Variants in SLC25A26 observed in about 807,000 individuals in gnomAD.
The protein encoded by SLC25A26 is mitochondrial S-adenosylmethionine carrier protein.
SLC25A26 carries 36 observed loss-of-function variants against 37.8 expected under a neutral mutation model. The observed-to-expected ratio is 0.95, with a 90% CI of 0.73 to 1.26. The LOEUF is 1.26. SLC25A26 is among the 50% of genes most tolerant of loss of function. SLC25A26 has a pLI of 0.00. For synonymous variants in SLC25A26, 129 were observed against 122.5 expected (o/e 1.05, Z -0.35); for missense variants, 390 against 331.1 (o/e 1.18, Z -1.38).
At chr3:66,271,691 G>A (rs921538069) in intron 5 of SLC25A26, among the ~76,000 whole-genome samples, 8 of 152,016 alleles carry the variant, frequency 5.3e-5, no homozygotes, top group African/African-American at 1.7e-4. Flanking sequence ...AGGATCTGCC[G>A]TATTCTGTCC....
chr3:66,159,043 G>T (rs1339480532), intron 1 of SLC25A26, among the ~76,000 whole-genome samples: 2 of 152,142 alleles, frequency 1.3e-5, no homozygotes, highest in Non-Finnish European at 2.9e-5. Flanking sequence ...AGGATGTAGA[G>T]TCTGGGAGCC....
chr3:66,268,861 T>G (rs1481983632), intron 5 of SLC25A26, among the ~76,000 whole-genome samples: 1 of 152,212 alleles, frequency 6.6e-6, no homozygotes, highest in Non-Finnish European at 1.5e-5. Context: ...CTTTGTGCTC[T>G]CTCTCTCCTT....
intron 6 of SLC25A26, among the ~76,000 whole-genome samples, chr3:66,352,536 A>G (rs1247789698): frequency 6.8e-6 from 1 of 146,668 alleles, no homozygotes. Context: ...ATCATTTTTT[A>G]TGTGTGATAA....
intron 5 of SLC25A26, among the ~76,000 whole-genome samples, chr3:66,303,476 G>A (rs1211668654): frequency 6.6e-6 from 1 of 152,216 alleles, no homozygotes; most frequent in Non-Finnish European, 1.5e-5. Context: ...TCAGCAAGAT[G>A]CCTTCCAGGT....
chr3:66,289,804 C>CT lies in SLC25A26; in HGVS notation c.453+26431dup, dbSNP rs201360875. On this transcript the variant is annotated intron_variant, in intron 5 of 9. Coordinates refer to ENST00000354883, the MANE Select transcript of SLC25A26 (RefSeq NM_001379210.1). ...TAGGATTGACTAGGCTATGCAGGCT[C>CT]TTTTTTGATTACGTATGAAATTTAA... 5.0e-3 allele frequency among the ~76,000 whole-genome samples: 763 copies of CT among 152,236 alleles called. 11 individuals carry two copies. Among genetic ancestry groups the CT allele is most frequent in the African/African-American group, 0.014 (563 of 41,562 alleles).
intron 5 of SLC25A26, among the ~76,000 whole-genome samples, chr3:66,273,195 C>T (rs2074014876): frequency 6.6e-6 from 1 of 152,054 alleles, no homozygotes; most frequent in East Asian, 1.9e-4. Context: ...TTCGGTTTGC[C>T]AGTATTTTAT....
At chr3:66,353,889 GTTTATTC>G (rs1283099217) in intron 6 of SLC25A26, among the ~76,000 whole-genome samples, 1 of 152,178 alleles carries the variant, frequency 6.6e-6, no homozygotes, top group Admixed American at 6.5e-5. Flanking sequence ...TATGTCTTCT[GTTTATTC>G]TTTATGGTTC....
chr3:66,352,123 C>T lies in SLC25A26; in HGVS notation c.498+5715C>T, dbSNP rs138789120. 2.2e-3 allele frequency among the ~76,000 whole-genome samples: 337 copies of T among 152,160 alleles called. 1 individual carries two copies. The highest frequency in any genetic ancestry group is 6.8e-3 in the Middle Eastern group (2 of 294). ...AATTATCTGGGATTGGTGGTGCATA[C>T]CTGTAGTCCCAACTATGTGGGAGGC... On this transcript the variant is annotated intron_variant, in intron 6 of 9. Coordinates refer to ENST00000354883, the MANE Select transcript of SLC25A26 (RefSeq NM_001379210.1).
chr3:66,194,233 T>C (rs1273974853), intron 1 of SLC25A26, among the ~76,000 whole-genome samples: 4 of 152,196 alleles, frequency 2.6e-5, no homozygotes, highest in African/African-American at 9.6e-5. Context: ...ATTATAAATA[T>C]GTTTTGCTCA....
At position 66,176,728 on chromosome 3, in the gene SLC25A26, G is replaced by A. The variant is rs141597116; in HGVS notation, c.-354+42744G>A. Among the ~76,000 whole-genome samples the A allele has an allele frequency of 6.2e-3, 949 of 152,202 alleles. 6 individuals carry two copies. Among genetic ancestry groups the A allele is most frequent in the Admixed American group, 8.9e-3 (136 of 15,296 alleles). ...ACATAAAAGGTATTATTTGTGGATGGGACGCAAAAGACACCTCATATTGTT... is the reference window on the plus strand; with the variant it reads ...ACATAAAAGGTATTATTTGTGGATGAGACGCAAAAGACACCTCATATTGTT... On this transcript the variant is annotated intron_variant, in intron 1 of 10. Coordinates refer to the SLC25A26 transcript ENST00000676754.
chr3:66,377,876 G>A lies in SLC25A26; in HGVS notation c.*69G>A. On this transcript the variant is annotated 3_prime_UTR_variant, in exon 10 of 10. Transcript: ENST00000354883. ...TGCAGTGCAAACCCTCTTCCGCTGAGCAGCTGTCTGAACTATAGGCCCCAG... is the reference window on the plus strand; with the variant it reads ...TGCAGTGCAAACCCTCTTCCGCTGAACAGCTGTCTGAACTATAGGCCCCAG... The A allele has an allele frequency of 1.7e-6, 2 of 1,197,804 alleles. No homozygotes were observed. Among genetic ancestry groups the A allele is most frequent in the Non-Finnish European group, 2.5e-6 (2 of 806,640 alleles). The allele number at this position is 1,197,804 out of a possible 1,614,324, so 74.2% of individuals were successfully genotyped here.
chr3:66,334,068 G>T (rs191629294), intron 5 of SLC25A26, among the ~76,000 whole-genome samples: 38 of 152,252 alleles, frequency 2.5e-4, no homozygotes, highest in Non-Finnish European at 4.7e-4. Context: ...TGGATCTTTT[G>T]TCTAGACTTA....
intron 1 of SLC25A26, among the ~76,000 whole-genome samples, chr3:66,142,045 G>A (rs1233906056): frequency 6.6e-6 from 1 of 152,092 alleles, no homozygotes; most frequent in Non-Finnish European, 1.5e-5. Context: ...AGTGGCATTT[G>A]GTGCATTTAC....
At chr3:66,371,308 C>G (rs1256138698) in intron 9 of SLC25A26, 4 of 1,549,932 alleles carry the variant, frequency 2.6e-6, no homozygotes, top group Non-Finnish European at 1.7e-6. Context: ...GGCAGTGCCA[C>G]CTCCTCATCC....
intron 9 of SLC25A26, among the ~76,000 whole-genome samples, chr3:66,376,164 A>T (rs980641264): frequency 6.6e-6 from 1 of 151,784 alleles, no homozygotes; most frequent in Non-Finnish European, 1.5e-5. Flanking sequence ...GTTGGTTCTT[A>T]TGGGTGAGCA....
At chr3:66,156,493 T>A (rs1000645545) in intron 1 of SLC25A26, among the ~76,000 whole-genome samples, 6 of 152,172 alleles carry the variant, frequency 3.9e-5, no homozygotes, top group African/African-American at 1.4e-4. Flanking sequence ...CCACTTAGTG[T>A]CCTGTTCTGT....
intron 5 of SLC25A26, among the ~76,000 whole-genome samples, chr3:66,295,991 C>T (rs933482491): frequency 6.6e-6 from 1 of 151,864 alleles, no homozygotes; most frequent in African/African-American, 2.4e-5. Context: ...GTGGCAGGCA[C>T]CTGTAATCCC....
chr3:66,208,580 C>T lies in SLC25A26; in HGVS notation c.-353-12162C>T, dbSNP rs1018377093. Among the ~76,000 whole-genome samples, 391 of 150,084 alleles carry T rather than the reference C, an allele frequency of 2.6e-3. 2 individuals are homozygous for T. The highest frequency in any genetic ancestry group is 7.0e-3 in the African/African-American group (286 of 40,908). On this transcript the variant is annotated intron_variant, in intron 1 of 10. Coordinates refer to the SLC25A26 transcript ENST00000676754. ...TAGCAGAGAGCTATTCTGCTTCTTTCGCCTATTTAATTTCTGCTCTAAACC... is the reference window on the plus strand; with the variant it reads ...TAGCAGAGAGCTATTCTGCTTCTTTTGCCTATTTAATTTCTGCTCTAAACC...
intron 1 of SLC25A26, among the ~76,000 whole-genome samples, chr3:66,156,660 G>T (rs919497065): frequency 2.0e-5 from 3 of 152,120 alleles, no homozygotes; most frequent in South Asian, 4.1e-4. Flanking sequence ...CTTGGGACTG[G>T]AGAAGAGACA....
Sources: allele counts gnomAD v4.1 joint callset (sites outside exome capture counted in the v4.1 genomes callset), GRCh38; gene constraint gnomAD v4.1.1; transcripts MANE v1.5; gene names NCBI Gene and HGNC (gene_info 2026-07-23, HGNC 2026-07-21).